GFRA2: variants seen among roughly 807,000 people sequenced by gnomAD.
GFRA2 encodes GDNF family receptor alpha 2, also known as GDNF family receptor alpha-2.
Under a neutral mutation model 48.3 loss-of-function variants are expected in GFRA2, and 17 were observed. That is an observed-to-expected ratio of 0.35 (90% CI 0.24 to 0.53). The LOEUF (loss-of-function observed/expected upper bound fraction) is 0.53. Among genes scored for constraint, GFRA2 ranks in the 20% least tolerant of loss-of-function variants. The pLI, the probability that GFRA2 is intolerant of heterozygous loss-of-function variation, is 0.93. For synonymous variants in GFRA2, 305 were observed against 257.2 expected (o/e 1.19, Z -1.78); for missense variants, 660 against 637.3 (o/e 1.04, Z -0.38).
At chr8:21,710,794 T>C (rs376347741) in intron 4 of GFRA2, among the ~76,000 whole-genome samples, 2 of 152,296 alleles carry the variant, frequency 1.3e-5, no homozygotes, top group African/African-American at 4.8e-5. Context: ...TACGGCAAAG[T>C]GAAGAGAAGC....
chr8:21,785,977 C>T (rs914497587), intron 1 of GFRA2, among the ~76,000 whole-genome samples: 2 of 151,604 alleles, frequency 1.3e-5, no homozygotes, highest in Admixed American at 1.3e-4. Context: ...TAAACACCAA[C>T]CCATCCCTTC....
intron 4 of GFRA2, among the ~76,000 whole-genome samples, chr8:21,707,823 G>T (rs1802823615): frequency 6.6e-6 from 1 of 152,208 alleles, no homozygotes; most frequent in African/African-American, 2.4e-5. Flanking sequence ...TAATGCCACT[G>T]ACTTATACAC....
intron 4 of GFRA2, among the ~76,000 whole-genome samples, chr8:21,712,175 C>T (rs1257199507): frequency 6.6e-6 from 1 of 152,226 alleles, no homozygotes; most frequent in Non-Finnish European, 1.5e-5. Flanking sequence ...TCATCATGGC[C>T]CATTCTCAAT....
At chr8:21,785,277 G>C (rs1238982085) in intron 1 of GFRA2, among the ~76,000 whole-genome samples, 3 of 152,164 alleles carry the variant, frequency 2.0e-5, no homozygotes, top group Non-Finnish European at 4.4e-5. Context: ...TGCCAGAACT[G>C]AGGGCTTCCC....
At chr8:21,711,671 T>TA (rs1419263324) in intron 4 of GFRA2, among the ~76,000 whole-genome samples, 2 of 152,150 alleles carry the variant, frequency 1.3e-5, no homozygotes, top group African/African-American at 4.8e-5. Flanking sequence ...GGGAAATACT[T>TA]ACGCTAAACA....
chr8:21,771,419 G>A (rs1221717990), intron 3 of GFRA2, among the ~76,000 whole-genome samples: 26 of 152,208 alleles, frequency 1.7e-4, no homozygotes, highest in African/African-American at 6.3e-4. Context: ...CACTGTCGCT[G>A]TGACTCAGGA....
chr8:21,777,703 A>C (rs1260304499), intron 2 of GFRA2, among the ~76,000 whole-genome samples: 2 of 152,170 alleles, frequency 1.3e-5, no homozygotes, highest in African/African-American at 4.8e-5. Context: ...TGGTGGTGGT[A>C]ATGGCAGTGA....
intron 4 of GFRA2, among the ~76,000 whole-genome samples, chr8:21,744,292 A>T (rs367942334): frequency 2.0e-5 from 3 of 152,176 alleles, no homozygotes; most frequent in Non-Finnish European, 4.4e-5. Flanking sequence ...CCTCTCTGAC[A>T]AGGGCAGTGT....
At chr8:21,778,203 T>C (rs1806804810) in intron 2 of GFRA2, among the ~76,000 whole-genome samples, 1 of 147,092 alleles carries the variant, frequency 6.8e-6, no homozygotes, top group African/African-American at 2.6e-5. Flanking sequence ...TTATTAAATG[T>C]TATCAAGGAA....
At position 21,749,947 on chromosome 8, in the gene GFRA2, CA is replaced by C. The variant is rs535739141; in HGVS notation, c.794+640del. Among the ~76,000 whole-genome samples the C allele has an allele frequency of 3.0e-4, 45 of 152,186 alleles. No homozygotes were observed. The East Asian group carries it at 7.0e-3, about 24-fold the overall frequency. ...CCAAAGCTTAGCGCAGAGCCTAGAA[CA>C]TAGTAAGTGCTTACCAACATAGTAG... On this transcript the variant is annotated intron_variant, in intron 4 of 8. Coordinates refer to ENST00000524240, the MANE Select transcript of GFRA2 (RefSeq NM_001495.5).
rs1807396835 is a variant in GFRA2 at position 21,788,465 on chromosome 8, C to T, written c.-306G>A. 1 of 1,123,116 alleles carries T rather than the reference C, an allele frequency of 8.9e-7. No homozygotes were observed. The highest frequency in any genetic ancestry group is 1.1e-6 in the Non-Finnish European group (1 of 919,306). The allele number at this position is 1,123,116 out of a possible 1,614,324, so 69.6% of individuals were successfully genotyped here. ...CAGCCCAGTCCTGGGGTCAGCCCTC[C>T]CCTCCAATCGTCCGGGAAGGCGTGA... On this transcript the variant is annotated 5_prime_UTR_variant, in exon 1 of 9. Coordinates refer to ENST00000524240, the MANE Select transcript of GFRA2 (RefSeq NM_001495.5).
chr8:21,773,880 C>T (rs1210581619), intron 3 of GFRA2, among the ~76,000 whole-genome samples: 11 of 152,140 alleles, frequency 7.2e-5, no homozygotes, highest in Admixed American at 2.6e-4. Flanking sequence ...TGCAAGAGCG[C>T]GGCTGGCATC....
At chr8:21,704,557 A>C (rs970533857) in intron 6 of GFRA2, among the ~76,000 whole-genome samples, 18 of 152,204 alleles carry the variant, frequency 1.2e-4, no homozygotes, top group African/African-American at 4.3e-4. Context: ...GATCAAAGGC[A>C]GACTGAGCTA....
chr8:21,783,965 CTA>C (rs1397682116), intron 1 of GFRA2, among the ~76,000 whole-genome samples: 34 of 152,126 alleles, frequency 2.2e-4, no homozygotes, highest in African/African-American at 8.0e-4. Context: ...CCCTTCCCCT[CTA>C]TCTCTTATTT....
At chr8:21,775,989 C>CTGTGTGTGTGTG (rs200687629) in intron 2 of GFRA2, among the ~76,000 whole-genome samples, 39 of 126,476 alleles carry the variant, frequency 3.1e-4, no homozygotes, top group South Asian at 8.5e-4. Context: ...CACTCATCCT[C>CTGTGTGTGTGTG]TGTGTGTGTG....
intron 4 of GFRA2, among the ~76,000 whole-genome samples, chr8:21,707,708 A>G (rs764837420): frequency 6.6e-6 from 1 of 152,226 alleles, no homozygotes; most frequent in African/African-American, 2.4e-5. Context: ...AAATGAATAA[A>G]AAGTACTCTA....
chr8:21,693,025 C>G lies in GFRA2; in HGVS notation c.*253G>C. 3 of 335,904 alleles carry G rather than the reference C, an allele frequency of 8.9e-6. No individual in the cohort carries two copies. The highest frequency in any genetic ancestry group is 1.1e-5 in the Non-Finnish European group (2 of 183,162). 20.8% of individuals were successfully genotyped at this position (335,904 alleles called of 1,614,324 possible). On this transcript the variant is annotated 3_prime_UTR_variant, in exon 9 of 9. Coordinates refer to ENST00000524240, the MANE Select transcript of GFRA2 (RefSeq NM_001495.5). ...TGAAGGGCATTTCTAGAGCCTCGTG[C>G]CCTCCCCGGCACCAGAGTTTCCCCT...
At chr8:21,757,899 C>T (rs921762804) in intron 3 of GFRA2, among the ~76,000 whole-genome samples, 9 of 152,174 alleles carry the variant, frequency 5.9e-5, no homozygotes, top group African/African-American at 2.2e-4. Context: ...TAAATGATAA[C>T]ACCTATGTTG....
At chr8:21,757,790 C>T (rs1338879975) in intron 3 of GFRA2, among the ~76,000 whole-genome samples, 1 of 152,230 alleles carries the variant, frequency 6.6e-6, no homozygotes, top group African/African-American at 2.4e-5. Flanking sequence ...GCATGAGCCA[C>T]CACACTGGAC....
Sources: allele counts gnomAD v4.1 joint callset (sites outside exome capture counted in the v4.1 genomes callset), GRCh38; gene constraint gnomAD v4.1.1; transcripts MANE v1.5; gene names NCBI Gene and HGNC (gene_info 2026-07-23, HGNC 2026-07-21).